DAPK2: variants seen among roughly 807,000 people sequenced by gnomAD.
DAPK2 encodes the protein death associated protein kinase 2.
A neutral mutation model predicts 44.1 loss-of-function variants in DAPK2; 35 were observed. That is an observed-to-expected ratio of 0.79 (90% CI 0.61 to 1.05). The LOEUF (loss-of-function observed/expected upper bound fraction) is 1.05, where lower values mean the gene tolerates loss of function less well. Ranked by LOEUF, DAPK2 falls within the 50% of genes least tolerant of loss-of-function variation. DAPK2 has a pLI of 0.00. For synonymous variants in DAPK2, 174 were observed against 182.6 expected (o/e 0.95, Z 0.38); for missense variants, 453 against 483.2 (o/e 0.94, Z 0.59).
intron 3 of DAPK2, among the ~76,000 whole-genome samples, chr15:63,963,700 T>C (rs891439084): frequency 6.6e-6 from 1 of 152,238 alleles, no homozygotes; most frequent in African/African-American, 2.4e-5. Context: ...TTGCTTTTTA[T>C]TTCTTTATAT....
rs147770648 is a variant in DAPK2, at chr15:63,992,335, A to G, written c.93-8581T>C. ...TTACTGAGGAAATGCTGGGCTTGGA[A>G]GGTACCACCCACCACCCACCCACCT... On this transcript the variant is annotated intron_variant, in intron 1 of 10. Coordinates refer to ENST00000261891, the Ensembl canonical transcript of DAPK2. Among the ~76,000 whole-genome samples, 1,097 of 152,208 alleles carry G rather than the reference A, an allele frequency of 7.2e-3. 10 individuals are homozygous for G. The highest frequency in any genetic ancestry group is 0.011 in the Non-Finnish European group (715 of 68,000).
intron 2 of DAPK2, among the ~76,000 whole-genome samples, chr15:63,979,871 C>T (rs905612470): frequency 3.9e-5 from 6 of 152,082 alleles, no homozygotes; most frequent in Non-Finnish European, 7.4e-5. Flanking sequence ...GCCGAGATCA[C>T]GCCACTGCAC....
rs1175432400 is a variant in DAPK2, at chr15:64,036,309, G to GTA, written c.92+3859_92+3860dup. On this transcript the variant is annotated intron_variant, in intron 1 of 10. Transcript: ENST00000261891. ...TGTGTGTGTGTGTGTGTGTGTGTGT[G>GTA]TATATATATGTATATATATATATAT... Among the ~76,000 whole-genome samples, 186 of 60,498 alleles carry GTA rather than the reference G, an allele frequency of 3.1e-3. 6 individuals carry two copies. The highest frequency in any genetic ancestry group is 5.8e-3 in the African/African-American group (142 of 24,604). 39.7% of individuals were successfully genotyped at this position (60,498 alleles called of 152,430 possible). A position where few individuals can be genotyped will look rare whatever the true frequency, so the allele number is the denominator to read the frequency against.
At chr15:63,914,307 T>A (rs2078870381) in intron 8 of DAPK2, among the ~76,000 whole-genome samples, 1 of 152,074 alleles carries the variant, frequency 6.6e-6, no homozygotes, top group Non-Finnish European at 1.5e-5. Context: ...CTGGGGCTAT[T>A]CACCCTCCGA....
intron 1 of DAPK2, among the ~76,000 whole-genome samples, chr15:63,988,204 C>A (rs1228699164): frequency 6.6e-6 from 1 of 152,176 alleles, no homozygotes; most frequent in African/African-American, 2.4e-5. Context: ...GTGTCAAGAT[C>A]AGTGTCACTG....
At chr15:63,930,328 G>T in intron 5 of DAPK2, 79 bp downstream of exon 6, 6 of 1,350,360 alleles carry the variant, frequency 4.4e-6, no homozygotes, top group East Asian at 2.3e-5. Context: ...TGGTTAAGCG[G>T]ATGTCACCTG....
chr15:63,972,863 AC>A (rs2078250384), intron 2 of DAPK2, among the ~76,000 whole-genome samples: 3 of 152,240 alleles, frequency 2.0e-5, no homozygotes, highest in Non-Finnish European at 4.4e-5. Context: ...TGACCAAGCA[AC>A]CATTTGATAA....
chr15:63,999,262 C>T (rs1298764630), intron 1 of DAPK2, among the ~76,000 whole-genome samples: 1 of 152,182 alleles, frequency 6.6e-6, no homozygotes, highest in Non-Finnish European at 1.5e-5. Flanking sequence ...CAAGCTGGGG[C>T]TGGGGGTCAG....
At chr15:64,012,526 T>C (rs889093352) in intron 1 of DAPK2, among the ~76,000 whole-genome samples, 1 of 152,232 alleles carries the variant, frequency 6.6e-6, no homozygotes. Flanking sequence ...ATCAAGACGG[T>C]ACTGCTTAAA....
At chr15:63,957,464 G>C (rs1024045057) in intron 3 of DAPK2, among the ~76,000 whole-genome samples, 1 of 151,432 alleles carries the variant, frequency 6.6e-6, no homozygotes, top group Admixed American at 6.6e-5. Context: ...CCGTTAACTC[G>C]TCATTTACAT....
intron 2 of DAPK2, among the ~76,000 whole-genome samples, chr15:63,977,514 G>A (rs12101360): frequency 1.7e-5 from 2 of 117,030 alleles, no homozygotes; most frequent in South Asian, 6.0e-4. Flanking sequence ...TGAAACAGGA[G>A]TGAAAAAAAT....
chr15:63,913,442 A>C (rs893556194), intron 8 of DAPK2, among the ~76,000 whole-genome samples: 2 of 152,212 alleles, frequency 1.3e-5, no homozygotes, highest in Admixed American at 1.3e-4. Context: ...ATCGATTCTC[A>C]AAGGCCCCCA....
intron 1 of DAPK2, among the ~76,000 whole-genome samples, chr15:63,999,301 G>A (rs7162147): frequency 0.39 from 59,752 of 152,114 alleles, 13,897 homozygotes; most frequent in Non-Finnish European, 0.53. Context: ...CATCAGACCC[G>A]AGCCTTTCCA....
intron 3 of DAPK2, among the ~76,000 whole-genome samples, chr15:63,959,242 A>G (rs1231364685): frequency 1.3e-5 from 2 of 152,220 alleles, no homozygotes; most frequent in Non-Finnish European, 2.9e-5. Context: ...TATCAGCTTA[A>G]GGAGATTTTG....
rs1194037481 is a variant in DAPK2, at chr15:63,908,699, G to A, written c.1033-99C>T. On this transcript the variant is annotated intron_variant, in intron 10 of 10. Coordinates refer to ENST00000261891, the Ensembl canonical transcript of DAPK2. This position sits in a 1 kb window ranked among gnomAD's most constrained non-coding sequence, Gnocchi z 5.7. ...ACCTGGGTTGATTCACCTGGACCACGGGACTACAAGCCAGGGAGGTGGGTG... is the reference window on the plus strand; with the variant it reads ...ACCTGGGTTGATTCACCTGGACCACAGGACTACAAGCCAGGGAGGTGGGTG... 3.7e-5 allele frequency: 36 copies of A among 961,614 alleles called. No homozygotes were observed. The East Asian group carries it at 8.5e-4, about 23-fold the overall frequency. 59.6% of individuals were successfully genotyped at this position (961,614 alleles called of 1,614,324 possible).
At chr15:63,995,504 C>T (rs2140934117) in intron 1 of DAPK2, among the ~76,000 whole-genome samples, 1 of 152,294 alleles carries the variant, frequency 6.6e-6, no homozygotes, top group Admixed American at 6.5e-5. Context: ...CCCTTCACTT[C>T]GCCTGCCTGT....
At chr15:64,036,758 A>G (rs1334957593) in intron 1 of DAPK2, among the ~76,000 whole-genome samples, 1 of 152,156 alleles carries the variant, frequency 6.6e-6, no homozygotes, top group Non-Finnish European at 1.5e-5. Context: ...TAGGGTGCTC[A>G]CTGACAGCCA....
At chr15:64,011,355 T>G (rs1381882007) in intron 1 of DAPK2, among the ~76,000 whole-genome samples, 1 of 152,022 alleles carries the variant, frequency 6.6e-6, no homozygotes, top group African/African-American at 2.4e-5. Flanking sequence ...AGGTCAGGAG[T>G]TCCAGACCAG....
chr15:63,923,269 C>T lies in DAPK2; in HGVS notation c.858+1547G>A. 1 of 1,535,908 alleles carries T rather than the reference C, an allele frequency of 6.5e-7. No individual in the cohort carries two copies. The highest frequency in any genetic ancestry group is 2.4e-5 in the East Asian group (1 of 40,920). On this transcript the variant is annotated intron_variant, in intron 8 of 10. Coordinates refer to ENST00000261891, the Ensembl canonical transcript of DAPK2. This position sits in a 1 kb window ranked among gnomAD's most constrained non-coding sequence, Gnocchi z 4.2. ...TGCTTGAGTGGCATTTGAGAGTGTACTCTCTCAGGTGCTTGGTCTTCAGCT... is the reference window on the plus strand; with the variant it reads ...TGCTTGAGTGGCATTTGAGAGTGTATTCTCTCAGGTGCTTGGTCTTCAGCT...
Sources: allele counts gnomAD v4.1 joint callset (sites outside exome capture counted in the v4.1 genomes callset), GRCh38; gene constraint gnomAD v4.1.1; non-coding constraint Gnocchi (gnomAD v3.1); transcripts MANE v1.5; gene names NCBI Gene and HGNC (gene_info 2026-07-23, HGNC 2026-07-21).